DNAJA2: variants seen among roughly 807,000 people sequenced by gnomAD.
DNAJA2 encodes dnaJ homolog subfamily A member 2.
A neutral mutation model predicts 49.3 loss-of-function variants in DNAJA2; 6 were observed. That is an observed-to-expected ratio of 0.12 (90% CI 0.07 to 0.24). The LOEUF is 0.24. Among genes scored for constraint, DNAJA2 ranks in the 10% least tolerant of loss-of-function variants. The pLI is 1.00. For synonymous variants in DNAJA2, 160 were observed against 172.7 expected (o/e 0.93, Z 0.58); for missense variants, 347 against 516.8 (o/e 0.67, Z 3.19).
In DNAJA2 at chr16:46,955,432, T is replaced by C. The variant is rs2143634490; in HGVS notation, c.*1597A>G. On this transcript the variant is annotated 3_prime_UTR_variant, in exon 9 of 9. Transcript: ENST00000317089. ...GCCACCACATTTCTTATGTTTAAAG[T>C]GGTTGTGGGGAAGTAACCTTGGATA... The C allele has an allele frequency of 6.6e-6, 1 of 152,328 alleles. No individual in the cohort carries two copies. The highest frequency in any genetic ancestry group is 2.1e-4 in the South Asian group (1 of 4,820). The allele number at this position is 152,328 out of a possible 1,614,324, so 9.4% of individuals were successfully genotyped here.
intron 6 of DNAJA2, among the ~76,000 whole-genome samples, chr16:46,964,131 T>C (rs981313891): frequency 1.3e-5 from 2 of 152,010 alleles, no homozygotes; most frequent in Non-Finnish European, 2.9e-5. Flanking sequence ...CCCAGCACTT[T>C]GGGAGGCTGA....
In DNAJA2 at chr16:46,964,675, G is replaced by C. The variant is rs775483729; in HGVS notation, c.710C>G (p.Ala237Gly). The change falls in exon 6 of 9, where the codon GCA (alanine) becomes GGA (glycine). Residue 237 changes from alanine to glycine, a missense_variant. By Grantham distance (60) the Ala-to-Gly change is moderately conservative. Transcript: ENST00000317089. ...HGQRITFTGE[A>G]DQAPGVEPGD... ...GGGTTCCACTCCTGGGGCCTGGTCT[G>C]CTTCCCCAGTGAATGTAATTCTCTG... 3.7e-6 allele frequency: 6 copies of C among 1,614,120 alleles called. No individual in the cohort carries two copies. Among genetic ancestry groups the C allele is most frequent in the Non-Finnish European group, 5.1e-6 (6 of 1,180,012 alleles).
intron 3 of DNAJA2, 37 bp downstream of exon 3, chr16:46,971,312 T>C: frequency 1.3e-6 from 2 of 1,576,188 alleles, no homozygotes; most frequent in Non-Finnish European, 1.7e-6. Context: ...TGACAAAAAG[T>C]ACTTAATTTT....
chr16:46,968,659 G>C (rs983112268), intron 3 of DNAJA2, among the ~76,000 whole-genome samples: 7 of 152,138 alleles, frequency 4.6e-5, no homozygotes, highest in African/African-American at 1.7e-4. Flanking sequence ...AGGCTACAAA[G>C]TTATATTTCG....
intron 2 of DNAJA2, 105 bp from the exon 3 acceptor site, chr16:46,971,677 G>T (rs775207903): frequency 9.8e-6 from 3 of 306,234 alleles, no homozygotes; most frequent in Non-Finnish European, 1.6e-5. Flanking sequence ...AAAAAAAAAA[G>T]GGACAAGTTA....
intron 6 of DNAJA2, among the ~76,000 whole-genome samples, chr16:46,962,378 CAA>C (rs571055213): frequency 5.4e-5 from 8 of 148,992 alleles, no homozygotes; most frequent in African/African-American, 2.0e-4. Flanking sequence ...TGCCTCAAAC[CAA>C]AAAAAAGTCA....
intron 6 of DNAJA2, among the ~76,000 whole-genome samples, chr16:46,963,451 T>A (rs1033982752): frequency 5.9e-5 from 9 of 151,746 alleles, no homozygotes; most frequent in African/African-American, 1.9e-4. Context: ...GGAGGATCGC[T>A]TGAGCTCAGA....
chr16:46,956,299 T>A lies in DNAJA2; in HGVS notation c.*730A>T, dbSNP rs1302200060. 6.6e-6 allele frequency: 1 copy of A among 152,152 alleles called. No homozygotes were observed. Among genetic ancestry groups the A allele is most frequent in the African/African-American group, 2.4e-5 (1 of 41,436 alleles). The allele number at this position is 152,152 out of a possible 1,614,324, so 9.4% of individuals were successfully genotyped here. A position where few individuals can be genotyped will look rare whatever the true frequency, so the allele number is the denominator to read the frequency against. The stretch of plus-strand genomic sequence containing the variant: ...GCCTGAGATATAAGCTTCAGGCCAA[T>A]GGGTTTTTATGGGCTGTTTAAGAAC... On this transcript the variant is annotated 3_prime_UTR_variant, in exon 9 of 9. Coordinates refer to ENST00000317089, the MANE Select transcript of DNAJA2 (RefSeq NM_005880.4).
chr16:46,966,124 G>A (rs1299543397), intron 5 of DNAJA2, among the ~76,000 whole-genome samples: 4 of 152,276 alleles, frequency 2.6e-5, no homozygotes, highest in South Asian at 2.1e-4. Flanking sequence ...ATTGTGGGGC[G>A]AGGGGCTGAG....
chr16:46,973,153 TCGACG>T (rs2143666972), intron 1 of DNAJA2, among the ~76,000 whole-genome samples: 1 of 152,142 alleles, frequency 6.6e-6, no homozygotes, highest in Non-Finnish European at 1.5e-5. Flanking sequence ...GGTGGTGACC[TCGACG>T]CGAAGGACCG....
At chr16:46,964,951 G>A in intron 5 of DNAJA2, 144 bp from the exon 6 acceptor site, 2 of 681,850 alleles carry the variant, frequency 2.9e-6, no homozygotes, top group South Asian at 2.3e-5. Context: ...CAAGCACAGT[G>A]GCTCAAGCCT....
chr16:46,964,308 G>T (rs1961939157), intron 6 of DNAJA2, among the ~76,000 whole-genome samples: 1 of 152,140 alleles, frequency 6.6e-6, no homozygotes, highest in African/African-American at 2.4e-5. Flanking sequence ...GGAGGCAGAG[G>T]TTGTAGTGAG....
intron 3 of DNAJA2, among the ~76,000 whole-genome samples, chr16:46,970,634 C>A (rs1184547337): frequency 7.0e-6 from 1 of 142,586 alleles, no homozygotes; most frequent in Non-Finnish European, 1.5e-5. Flanking sequence ...ACTTGGGGGG[C>A]TGAGGCAGGA....
chr16:46,968,047 G>C (rs777958854), intron 4 of DNAJA2, 37 bp downstream of exon 4: 2 of 1,519,986 alleles, frequency 1.3e-6, no homozygotes, highest in South Asian at 2.4e-5. Context: ...TAAAAGAACA[G>C]ACAAAATGTA....
At chr16:46,966,362 T>C (rs1186558578) in intron 5 of DNAJA2, among the ~76,000 whole-genome samples, 1 of 152,248 alleles carries the variant, frequency 6.6e-6, no homozygotes, top group Admixed American at 6.5e-5. Context: ...TGAACTATAC[T>C]GTCAAATATG....
In DNAJA2 at chr16:46,971,871, A is replaced by C. The variant is rs755202020; in HGVS notation, c.138+25T>G. On this transcript the variant is annotated intron_variant, in intron 2 of 8. Transcript: ENST00000317089. The stretch of plus-strand genomic sequence containing the variant: ...TTTAAGTTAAAGCTAAAACCCCCGG[A>C]ATAAAAAAGGTGCAAATAACTTACT... The C allele has an allele frequency of 5.0e-6, 8 of 1,592,828 alleles. No individual in the cohort carries two copies. The African/African-American group carries it at 1.1e-4, about 21-fold the overall frequency.
At chr16:46,964,515 G>T in intron 6 of DNAJA2, 96 bp downstream of exon 6, 2 of 1,206,968 alleles carry the variant, frequency 1.7e-6, no homozygotes, top group Non-Finnish European at 2.3e-6. Context: ...GTTCAGTGTT[G>T]CTCCAGGGAC....
At chr16:46,971,811 T>A in intron 2 of DNAJA2, 85 bp downstream of exon 2, 1 of 1,269,616 alleles carries the variant, frequency 7.9e-7, no homozygotes, top group African/African-American at 1.5e-5. Context: ...GTTGGATTTT[T>A]TTCCTGCAAC....
Position 46,957,114 on chromosome 16 carries a change from C to T in DNAJA2, c.1154G>A (p.Gly385Asp). The change falls in exon 9 of 9, where the codon GGT becomes GAT. Residue 385 changes from glycine to aspartate, a missense_variant. Physicochemically the swap from Gly to Asp is moderately conservative, Grantham distance 94. Transcript: ENST00000317089. ...EFDSTRGSGG[G>D]QRREAYNDSS... Reference sequence around the variant, plus strand: ...ATCATTATAGGCTTCACGCCTCTGACCACCTCCTGAGCCTCGAGTGCTATC... The same window carrying T: ...ATCATTATAGGCTTCACGCCTCTGATCACCTCCTGAGCCTCGAGTGCTATC... The T allele has an allele frequency of 6.2e-7, 1 of 1,614,204 alleles. No individual in the cohort carries two copies. The highest frequency in any genetic ancestry group is 8.5e-7 in the Non-Finnish European group (1 of 1,180,028).
Sources: gnomAD v4.1 joint callset for allele counts (sites outside exome capture counted in the v4.1 genomes callset) on GRCh38, gnomAD v4.1.1 for gene constraint, MANE v1.5 for transcripts, NCBI Gene and HGNC (gene_info 2026-07-23, HGNC 2026-07-21) for gene names.